The following TSNARE1 variants were observed in gnomAD, a reference collection of about 807,000 sequenced individuals.
TSNARE1 encodes t-SNARE domain-containing protein 1.
Under a neutral mutation model 62.0 loss-of-function variants are expected in TSNARE1, and 49 were observed. The ratio of observed to expected loss-of-function variants is 0.79; its 90% CI spans 0.63 to 1.00. The LOEUF is 1.00. TSNARE1 is among the 50% of genes least tolerant of loss of function. TSNARE1 has a pLI of 0.00. For synonymous variants in TSNARE1, 328 were observed against 294.4 expected (o/e 1.11, Z -1.17); for missense variants, 755 against 700.1 (o/e 1.08, Z -0.88).
chr8:142,224,764 G>A (rs1279689554), intron 13 of TSNARE1, among the ~76,000 whole-genome samples: 1 of 151,960 alleles, frequency 6.6e-6, no homozygotes, highest in Non-Finnish European at 1.5e-5. Flanking sequence ...AGGCTGGCAT[G>A]GCCTCACCCG....
chr8:142,400,370 C>T (rs1838199845), intron 1 of TSNARE1, among the ~76,000 whole-genome samples: 1 of 148,614 alleles, frequency 6.7e-6, no homozygotes, highest in East Asian at 2.0e-4. Flanking sequence ...CACTTGAACC[C>T]AGGAGGCAGA....
chr8:142,307,135 C>T (rs146202353), intron 9 of TSNARE1, among the ~76,000 whole-genome samples: 2 of 152,110 alleles, frequency 1.3e-5, no homozygotes, highest in African/African-American at 2.4e-5. Flanking sequence ...ACTGATCATA[C>T]AGTAGCCACA....
In TSNARE1 at chr8:142,241,102, G is replaced by T. The variant is rs373018450; in HGVS notation, c.1447-11523C>A. ...TGTCTCTCTGTTTGCAGACGACATG[G>T]TCTTACTGATAGAAAACCCCAAGGA... On this transcript the variant is annotated intron_variant, in intron 12 of 13. Coordinates refer to ENST00000524325, the MANE Select transcript of TSNARE1 (RefSeq NM_145003.5). Among the ~76,000 whole-genome samples, 4 of 152,274 alleles carry T rather than the reference G, an allele frequency of 2.6e-5. No homozygotes were observed. In the East Asian group the frequency reaches 7.7e-4, roughly 29 times the overall value.
At chr8:142,278,725 C>A in intron 11 of TSNARE1, 1 of 985,360 alleles carries the variant, frequency 1.0e-6, no homozygotes. Context: ...GGAGTGGGCC[C>A]GTGGGCTCGG....
chr8:142,300,541 G>T lies in TSNARE1; in HGVS notation c.1235C>A (p.Thr412Asn). Reference sequence around the variant, plus strand: ...CCGGATGGCCTCCAGGTCCTCTTCAGTGATGTCCGGGAGCAGCGCCTGCTC... The same window carrying T: ...CCGGATGGCCTCCAGGTCCTCTTCATTGATGTCCGGGAGCAGCGCCTGCTC... Reference protein sequence around the residue: ...GQEQALLPDITEEDLEAIRLR... With the variant: ...GQEQALLPDINEEDLEAIRLR... The change falls in exon 10 of 14, where the codon ACT (threonine) becomes AAT (asparagine). Residue 412 changes from threonine (T) to asparagine (N), a missense_variant. Coordinates refer to ENST00000524325, the MANE Select transcript of TSNARE1 (RefSeq NM_145003.5). 1 of 1,612,054 alleles carries T rather than the reference G, an allele frequency of 6.2e-7. No individual in the cohort carries two copies. Among genetic ancestry groups the T allele is most frequent in the South Asian group, 1.1e-5 (1 of 91,080 alleles).
At chr8:142,222,595 T>TTCATCCACTTAC (rs144996382) in intron 13 of TSNARE1, among the ~76,000 whole-genome samples, 2 of 66,968 alleles carry the variant, frequency 3.0e-5, no homozygotes, top group African/African-American at 7.9e-5. Context: ...CACTCACTCA[T>TTCATCCACTTAC]TCATCCACTC....
chr8:142,215,682 G>T (rs1404369078), intron 13 of TSNARE1, among the ~76,000 whole-genome samples: 1 of 152,250 alleles, frequency 6.6e-6, no homozygotes, highest in East Asian at 1.9e-4. Context: ...GGCAGGCCAA[G>T]GGGGCAGCAG....
chr8:142,374,298 T>A (rs1836143953), intron 1 of TSNARE1, among the ~76,000 whole-genome samples: 2 of 149,422 alleles, frequency 1.3e-5, no homozygotes, highest in Admixed American at 1.3e-4. Context: ...GAGCGAGACC[T>A]AGTCTCAAAA....
At chr8:142,273,874 T>C in intron 12 of TSNARE1, 1 of 985,248 alleles carries the variant, frequency 1.0e-6, no homozygotes, top group Non-Finnish European at 1.2e-6. Context: ...CCCAGCGTCC[T>C]GGGGATGTGG....
chr8:142,391,765 T>C (rs1013365143), intron 1 of TSNARE1, among the ~76,000 whole-genome samples: 1 of 152,228 alleles, frequency 6.6e-6, no homozygotes, highest in Admixed American at 6.5e-5. Flanking sequence ...CTGTGCACAG[T>C]GGCCAGACCC....
chr8:142,222,235 C>A (rs762267691), intron 13 of TSNARE1, among the ~76,000 whole-genome samples: 1,168 of 21,798 alleles, frequency 0.054, 130 homozygotes, highest in African/African-American at 0.069. Context: ...CTCATCCACT[C>A]ATTCACTCAC....
intron 1 of TSNARE1, among the ~76,000 whole-genome samples, chr8:142,388,455 T>C (rs1837256943): frequency 6.6e-6 from 1 of 150,866 alleles, no homozygotes. Flanking sequence ...CCATCACTAT[T>C]TGCAGTTCAC....
intron 10 of TSNARE1, among the ~76,000 whole-genome samples, chr8:142,289,313 T>C (rs1327428208): frequency 1.3e-5 from 2 of 151,880 alleles, no homozygotes; most frequent in African/African-American, 2.4e-5. Flanking sequence ...CCACAGGCCC[T>C]GGGCACGGCC....
At chr8:142,246,043 C>T (rs1817870964) in intron 12 of TSNARE1, among the ~76,000 whole-genome samples, 1 of 152,186 alleles carries the variant, frequency 6.6e-6, no homozygotes, top group Non-Finnish European at 1.5e-5. Flanking sequence ...TCCAATTATC[C>T]AAAGACACGG....
At chr8:142,402,242 T>C (rs59366013) in intron 1 of TSNARE1, among the ~76,000 whole-genome samples, 80,476 of 151,888 alleles carry the variant, frequency 0.53, 23,583 homozygotes, top group Non-Finnish European at 0.65. Flanking sequence ...GCGAGGCCCA[T>C]TTTGAGCCGC....
chr8:142,313,285 T>C (rs1827916883), intron 9 of TSNARE1, among the ~76,000 whole-genome samples: 2 of 152,242 alleles, frequency 1.3e-5, no homozygotes, highest in South Asian at 4.1e-4. Flanking sequence ...TGTCTGTTTA[T>C]CTGCATGTGT....
intron 12 of TSNARE1, among the ~76,000 whole-genome samples, chr8:142,246,484 C>G (rs1817888785): frequency 6.6e-6 from 1 of 152,152 alleles, no homozygotes; most frequent in African/African-American, 2.4e-5. Context: ...CCCCCTCCTC[C>G]CCTGGACACA....
At chr8:142,303,236 C>T (rs568141113) in intron 9 of TSNARE1, among the ~76,000 whole-genome samples, 45 of 152,276 alleles carry the variant, frequency 3.0e-4, no homozygotes, top group African/African-American at 1.0e-3. Flanking sequence ...GTGCAGAGAC[C>T]CCAGGCCAGA....
At chr8:142,215,105 G>C (rs1215893506) in intron 13 of TSNARE1, among the ~76,000 whole-genome samples, 1 of 152,192 alleles carries the variant, frequency 6.6e-6, no homozygotes, top group Non-Finnish European at 1.5e-5. Flanking sequence ...GTCCACAGAG[G>C]TGTCCCCGGG....
Sources: gnomAD v4.1 joint callset for allele counts (sites outside exome capture counted in the v4.1 genomes callset) on GRCh38, gnomAD v4.1.1 for gene constraint, MANE v1.5 for transcripts, NCBI Gene and HGNC (gene_info 2026-07-23, HGNC 2026-07-21) for gene names.